MORN4: variants seen among roughly 807,000 people sequenced by gnomAD.
The protein encoded by MORN4 is MORN repeat containing 4.
In MORN4, 8 loss-of-function variants were observed where a neutral mutation model predicts 16.4. The ratio of observed to expected loss-of-function variants is 0.49; its 90% CI spans 0.29 to 0.88. The LOEUF is 0.88. MORN4 is among the 40% of genes least tolerant of loss of function. The pLI is 0.09. For missense variants in MORN4, 159 were observed against 182.9 expected, an observed-to-expected ratio of 0.87 and a Z score of 0.75; for synonymous variants, 53 against 68.9, an observed-to-expected ratio of 0.77 and a Z score of 1.14.
intron 1 of MORN4, among the ~76,000 whole-genome samples, chr10:97,632,212 CTT>C (rs1162979185): frequency 4.0e-4 from 35 of 86,962 alleles, no homozygotes; most frequent in South Asian, 2.0e-3. Context: ...TAATACTCCC[CTT>C]TTTTTTTTTT....
At chr10:97,630,073 C>T (rs897068521) in intron 1 of MORN4, among the ~76,000 whole-genome samples, 10 of 151,914 alleles carry the variant, frequency 6.6e-5, no homozygotes, top group South Asian at 2.1e-4. Context: ...TACAGGCGCC[C>T]GCCACCATGC....
At chr10:97,625,589 T>A (rs1283973815) in intron 1 of MORN4, among the ~76,000 whole-genome samples, 2 of 152,184 alleles carry the variant, frequency 1.3e-5, no homozygotes, top group Non-Finnish European at 2.9e-5. Flanking sequence ...CTTCTCTAGG[T>A]CTTTCCTCAG....
intron 1 of MORN4, among the ~76,000 whole-genome samples, chr10:97,622,858 C>T (rs868590938): frequency 7.9e-5 from 11 of 138,500 alleles, no homozygotes; most frequent in South Asian, 4.7e-4. Flanking sequence ...CTTCATCTTT[C>T]ATTTATTTAT....
intron 1 of MORN4, among the ~76,000 whole-genome samples, chr10:97,632,025 A>T (rs897217163): frequency 1.3e-5 from 2 of 152,074 alleles, no homozygotes; most frequent in African/African-American, 4.8e-5. Flanking sequence ...GGAGGCAGCC[A>T]CCCTAACTAC....
intron 1 of MORN4, among the ~76,000 whole-genome samples, chr10:97,625,039 C>T (rs1332645202): frequency 1.3e-5 from 2 of 152,142 alleles, no homozygotes; most frequent in African/African-American, 4.8e-5. Context: ...CATCTCACAA[C>T]AACTTTTTGG....
intron 1 of MORN4, among the ~76,000 whole-genome samples, chr10:97,632,026 C>T (rs2041400329): frequency 6.6e-6 from 1 of 152,008 alleles, no homozygotes; most frequent in African/African-American, 2.4e-5. Context: ...GAGGCAGCCA[C>T]CCTAACTACC....
intron 2 of MORN4, among the ~76,000 whole-genome samples, chr10:97,619,146 G>A (rs1163332332): frequency 1.3e-5 from 2 of 152,028 alleles, no homozygotes; most frequent in Non-Finnish European, 2.9e-5. Context: ...CCAACATGGT[G>A]AAACCCCGTC....
chr10:97,625,513 T>C (rs1226725187), intron 1 of MORN4, among the ~76,000 whole-genome samples: 1 of 152,232 alleles, frequency 6.6e-6, no homozygotes, highest in Non-Finnish European at 1.5e-5. Flanking sequence ...GTCCACTAAA[T>C]GTTAGTTTCT....
intron 1 of MORN4, among the ~76,000 whole-genome samples, 161 bp from the exon 2 acceptor site, chr10:97,619,844 A>G (rs2041272475): frequency 6.6e-6 from 1 of 152,058 alleles, no homozygotes; most frequent in Non-Finnish European, 1.5e-5. Flanking sequence ...CACCACCAGC[A>G]CCATCATCTC....
intron 1 of MORN4, among the ~76,000 whole-genome samples, chr10:97,621,003 C>T (rs576245444): frequency 5.4e-4 from 82 of 152,002 alleles, no homozygotes; most frequent in Non-Finnish European, 9.7e-4. Context: ...CACCTGTAAT[C>T]CCAGCTACTC....
chr10:97,633,414 C>T lies in MORN4; in HGVS notation c.-98G>A. 2.3e-6 allele frequency: 3 copies of T among 1,289,926 alleles called. No homozygotes were observed. The highest frequency in any genetic ancestry group is 3.0e-6 in the Non-Finnish European group (3 of 988,914). 79.9% of individuals were successfully genotyped at this position (1,289,926 alleles called of 1,614,324 possible). On this transcript the variant is annotated 5_prime_UTR_variant, in exon 1 of 5. Coordinates refer to ENST00000307450, the MANE Select transcript of MORN4 (RefSeq NM_178832.4). This position sits in a 1 kb window ranked among gnomAD's most constrained non-coding sequence, Gnocchi z 4.5. ...GGTTCCAGCGCCTCGGACTTTTCCT[C>T]TGATGGGCTCCCGGCTGCCACCTTG...
rs747176251 is a variant in MORN4, at chr10:97,617,233, C to A, written c.157G>T (p.Val53Leu). Residue 53 changes from valine to leucine, a missense_variant, in exon 3 of 5, where the codon GTA becomes TTA. Val to Leu is a conservative substitution (Grantham distance 32, BLOSUM62 1). Transcript: ENST00000307450. ...CTTGAACCATCTGAGAAGGTCAATA[C>A]CCCAAAGCCATTAAAGAGCCCATTC... ...FENGLFNGFG[V>L]LTFSDGSRYE... 1.2e-6 allele frequency: 2 copies of A among 1,614,088 alleles called. No individual in the cohort carries two copies. Among genetic ancestry groups the A allele is most frequent in the Admixed American group, 1.7e-5 (1 of 60,026 alleles).
intron 1 of MORN4, among the ~76,000 whole-genome samples, chr10:97,628,689 G>A (rs138556340): frequency 7.2e-5 from 11 of 152,082 alleles, no homozygotes; most frequent in Non-Finnish European, 8.8e-5. Context: ...GTGCCAGCAC[G>A]GCCAGCTAAT....
intron 4 of MORN4, 132 bp from the exon 5 acceptor site, chr10:97,616,543 T>G (rs761802716): frequency 7.8e-5 from 99 of 1,274,946 alleles, no homozygotes; most frequent in Non-Finnish European, 1.0e-4. Context: ...AGTACTCTAT[T>G]GATGAGTTCA....
chr10:97,632,018 G>A (rs2135744761), intron 1 of MORN4, among the ~76,000 whole-genome samples: 1 of 152,142 alleles, frequency 6.6e-6, no homozygotes, highest in African/African-American at 2.4e-5. Flanking sequence ...ACTGGGTGGA[G>A]GCAGCCACCC....
At chr10:97,620,337 A>G (rs1564765698) in intron 1 of MORN4, among the ~76,000 whole-genome samples, 1 of 151,680 alleles carries the variant, frequency 6.6e-6, no homozygotes, top group Admixed American at 6.6e-5. Flanking sequence ...AAAATACAAA[A>G]ATTAGCTGGG....
chr10:97,633,687 G>A (rs769731685), upstream of MORN4: 248 of 1,224,668 alleles, frequency 2.0e-4, no homozygotes, highest in Non-Finnish European at 2.5e-4. This position sits in a 1 kb window ranked among gnomAD's most constrained non-coding sequence, Gnocchi z 4.5. Context: ...TCCAGATCTG[G>A]CCTACCCAGA....
intron 1 of MORN4, among the ~76,000 whole-genome samples, chr10:97,620,488 C>CAAAAAAAAAAAAA (rs1210683127): frequency 7.3e-5 from 3 of 41,170 alleles, no homozygotes; most frequent in African/African-American, 1.0e-4. Flanking sequence ...GACTCTGTCT[C>CAAAAAAAAAAAAA]AAAAAAAAAA....
At chr10:97,630,834 G>C (rs1389759005) in intron 1 of MORN4, among the ~76,000 whole-genome samples, 1 of 152,136 alleles carries the variant, frequency 6.6e-6, no homozygotes, top group African/African-American at 2.4e-5. Context: ...TATAGTCAGT[G>C]CCGATGAAGA....
Sources: allele counts gnomAD v4.1 joint callset (sites outside exome capture counted in the v4.1 genomes callset), GRCh38; gene constraint gnomAD v4.1.1; non-coding constraint Gnocchi (gnomAD v3.1); transcripts MANE v1.5; gene names NCBI Gene and HGNC (gene_info 2026-07-23, HGNC 2026-07-21).